The following BTBD18 variants were observed in gnomAD, a reference collection of about 807,000 sequenced individuals.
BTBD18 encodes BTB/POZ domain-containing protein 18.
For missense variants in BTBD18, 787 were observed against 846.3 expected, an observed-to-expected ratio of 0.93 and a Z score of 0.87; for synonymous variants, 311 against 324.4, an observed-to-expected ratio of 0.96 and a Z score of 0.44.
upstream of BTBD18, among the ~76,000 whole-genome samples, chr11:57,752,552 G>A (rs1335160657): frequency 1.3e-5 from 2 of 152,024 alleles, no homozygotes; most frequent in Non-Finnish European, 2.9e-5. Flanking sequence ...TCCCATCCCA[G>A]TGAGAGAGAT....
rs941121158 is a variant in BTBD18 at position 57,751,744 on chromosome 11, A to C, written c.-252T>G. ...CCTGAGCACCACATCCCAGCTCCAC[A>C]GGTATAATCTTCAAGTTAACACTTT... On this transcript the variant is annotated 5_prime_UTR_variant, in exon 1 of 3. Transcript: ENST00000422652. 6 of 152,252 alleles carry C rather than the reference A, an allele frequency of 3.9e-5. No individual in the cohort carries two copies. The highest frequency in any genetic ancestry group is 4.8e-5 in the African/African-American group (2 of 41,462). The allele number at this position is 152,252 out of a possible 1,614,324, so 9.4% of individuals were successfully genotyped here. A position where few individuals can be genotyped will look rare whatever the true frequency, so the allele number is the denominator to read the frequency against.
chr11:57,747,805 G>C (rs1590996640), intron 2 of BTBD18, among the ~76,000 whole-genome samples: 1 of 152,114 alleles, frequency 6.6e-6, no homozygotes, highest in South Asian at 2.1e-4. Flanking sequence ...GGCCAGGGTT[G>C]TTTTGTTTTT....
In BTBD18 at chr11:57,744,208, C is replaced by T. The variant is rs1445166107; in HGVS notation, c.2065G>A (p.Val689Ile). The change falls in exon 3 of 3, where the codon GTA becomes ATA. Residue 689 changes from valine (V) to isoleucine (I), a missense_variant. Physicochemically the swap from Val to Ile is conservative, Grantham distance 29. Transcript: ENST00000422652. Reference protein sequence around the residue: ...VVDWTAEGRLVPTTVPSVWPD... With the variant: ...VVDWTAEGRLIPTTVPSVWPD... ...CACACGGAGGGAACAGTAGTGGGTA[C>T]CAGCCTCCCCTCTGCTGTCCAGTCC... 3 of 1,551,620 alleles carry T rather than the reference C, an allele frequency of 1.9e-6. No individual in the cohort carries two copies. The highest frequency in any genetic ancestry group is 2.6e-6 in the Non-Finnish European group (3 of 1,146,970).
At chr11:57,752,869 G>C (rs1191180213), upstream of BTBD18, among the ~76,000 whole-genome samples, 2 of 152,240 alleles carry the variant, frequency 1.3e-5, no homozygotes, top group African/African-American at 4.8e-5. Flanking sequence ...AAGCGGGGTG[G>C]CCCGCACGCT....
chr11:57,746,824 A>AT (rs10665296), intron 2 of BTBD18, among the ~76,000 whole-genome samples: 4 of 150,726 alleles, frequency 2.7e-5, no homozygotes, highest in African/African-American at 9.7e-5. Flanking sequence ...AAAAAAAAAA[A>AT]GCCTTCCTCC....
rs1166214610 is a variant in BTBD18, at chr11:57,744,340, C to T, written c.1933G>A (p.Asp645Asn). The change falls in exon 3 of 3, where the codon GAT (aspartate) becomes AAT (asparagine). Residue 645 changes from aspartate to asparagine, a missense_variant. Coordinates refer to ENST00000422652, the MANE Select transcript of BTBD18 (RefSeq NM_001145101.3). Reference sequence around the variant, plus strand: ...TTGGGAGAAGGGTATAATAACTCATCTGTAGTCAAGGAGACTTCCAGCCCA... The same window carrying T: ...TTGGGAGAAGGGTATAATAACTCATTTGTAGTCAAGGAGACTTCCAGCCCA... ...ETGLEVSLTT[D>N]ELLYPSPKAG... 6.4e-7 allele frequency: 1 copy of T among 1,551,538 alleles called. No individual in the cohort carries two copies. Among genetic ancestry groups the T allele is most frequent in the Non-Finnish European group, 8.7e-7 (1 of 1,146,958 alleles).
chr11:57,745,478 G>A lies in BTBD18; in HGVS notation c.795C>T (p.Leu265=), dbSNP rs1488227832. The part of the protein sequence containing the change: ...DKHLLPRKIR[L]SRSKPSPGIC... ...TACCAGGAGATGGCTTTGAGCGACT[G>A]AGCCTGATCTTTCTGGGCAACAGGT... Residue 265 remains leucine, a synonymous_variant, in exon 3 of 3, where the codon CTC becomes CTT. Transcript: ENST00000422652. 1 of 1,550,296 alleles carries A rather than the reference G, an allele frequency of 6.5e-7. No homozygotes were observed. The highest frequency in any genetic ancestry group is 1.4e-5 in the African/African-American group (1 of 73,176).
chr11:57,746,870 A>G (rs1949206459), intron 2 of BTBD18, among the ~76,000 whole-genome samples: 1 of 149,714 alleles, frequency 6.7e-6, no homozygotes, highest in Non-Finnish European at 1.5e-5. Flanking sequence ...GTTCCTGGGC[A>G]GAGGTACTCT....
rs1195351969 is a variant in BTBD18, at chr11:57,744,035, C to T, written c.*99G>A. ...ACAAAGAGCCAGGGTACACCTGCCT[C>T]TTGTGCTGAGGGCACGTGCCAGCTT... On this transcript the variant is annotated 3_prime_UTR_variant, in exon 3 of 3. Coordinates refer to ENST00000422652, the MANE Select transcript of BTBD18 (RefSeq NM_001145101.3). 11 of 891,058 alleles carry T rather than the reference C, an allele frequency of 1.2e-5. No individual in the cohort carries two copies. Among genetic ancestry groups the T allele is most frequent in the South Asian group, 3.5e-5 (2 of 57,064 alleles). 55.2% of individuals were successfully genotyped at this position (891,058 alleles called of 1,614,324 possible). A position where few individuals can be genotyped will look rare whatever the true frequency, so the allele number is the denominator to read the frequency against.
chr11:57,746,805 CAAAAAA>C (rs35274578), intron 2 of BTBD18, among the ~76,000 whole-genome samples: 1 of 95,524 alleles, frequency 1.0e-5, no homozygotes, highest in African/African-American at 4.5e-5. Context: ...ACCTTGTCTC[CAAAAAA>C]AAAAAAAAAA....
At chr11:57,748,027 C>T (rs1382102392) in intron 2 of BTBD18, among the ~76,000 whole-genome samples, 2 of 152,174 alleles carry the variant, frequency 1.3e-5, no homozygotes, top group Admixed American at 1.3e-4. Context: ...GTCTCAAACT[C>T]CTGGGCTAAA....
At position 57,744,483 on chromosome 11, in the gene BTBD18, A is replaced by G; in HGVS notation, c.1790T>C (p.Ile597Thr). The change falls in exon 3 of 3, where the codon ATT becomes ACT. Residue 597 changes from isoleucine to threonine, a missense_variant. Physicochemically the swap from Ile to Thr is moderately conservative, Grantham distance 89. Coordinates refer to ENST00000422652, the MANE Select transcript of BTBD18 (RefSeq NM_001145101.3). ...VGGRWTPDLE[I>T]TSSQPLDGQE... ...ACCATCCAGTGGCTGGGAGCTGGTA[A>G]TTTCAAGGTCTGGTGTCCAACGGCC... is the stretch of plus-strand genomic sequence containing the variant. 6.4e-7 allele frequency: 1 copy of G among 1,551,566 alleles called. No homozygotes were observed. The highest frequency in any genetic ancestry group is 8.7e-7 in the Non-Finnish European group (1 of 1,146,960).
chr11:57,745,985 T>C lies in BTBD18; in HGVS notation c.288A>G (p.Ser96=). ...LRKLVDFLYT[S]EMEVSQEEAQ... ...CTTCTTCTTGAGATACTTCCATTTC[T>C]GAGGTATACAAGAAGTCCACCAGCT... is the stretch of plus-strand genomic sequence containing the variant. The change falls in exon 3 of 3, where the codon TCA becomes TCG. Residue 96 remains serine, a synonymous_variant. Coordinates refer to ENST00000422652, the MANE Select transcript of BTBD18 (RefSeq NM_001145101.3). The C allele has an allele frequency of 6.4e-7, 1 of 1,551,688 alleles. No individual in the cohort carries two copies. Among genetic ancestry groups the C allele is most frequent in the Non-Finnish European group, 8.7e-7 (1 of 1,146,986 alleles).
At chr11:57,749,033 C>T (rs1043941364) in intron 2 of BTBD18, among the ~76,000 whole-genome samples, 3 of 152,178 alleles carry the variant, frequency 2.0e-5, no homozygotes, top group Non-Finnish European at 4.4e-5. Context: ...CCTGCTTCCT[C>T]CCACTTGTTT....
intron 2 of BTBD18, among the ~76,000 whole-genome samples, chr11:57,747,490 T>C (rs1159727655): frequency 1.3e-5 from 2 of 152,116 alleles, no homozygotes; most frequent in Non-Finnish European, 2.9e-5. Flanking sequence ...CACATCTAAT[T>C]AAGTATCAGG....
chr11:57,746,039 C>A lies in BTBD18; in HGVS notation c.234G>T (p.Leu78=). The change falls in exon 3 of 3, where the codon CTG becomes CTT. Residue 78 remains leucine (L), a synonymous_variant. Coordinates refer to ENST00000422652, the MANE Select transcript of BTBD18 (RefSeq NM_001145101.3). The part of the protein sequence containing the change: ...PAQGGKVVLE[L]GGLKISTLRK... ...TAAGTGTGCTGATCTTCAGGCCACC[C>A]AGCTCTAGCACCACCTTCCCACCCT... The A allele has an allele frequency of 6.4e-7, 1 of 1,551,654 alleles. No individual in the cohort carries two copies. The highest frequency in any genetic ancestry group is 8.7e-7 in the Non-Finnish European group (1 of 1,146,972).
intron 2 of BTBD18, 62 bp downstream of exon 2, chr11:57,751,003 T>C (rs2135703498): frequency 1.4e-6 from 2 of 1,415,602 alleles, no homozygotes; most frequent in Non-Finnish European, 1.9e-6. Flanking sequence ...ACCCTCTGGC[T>C]CTGAACTCAT....
intron 2 of BTBD18, among the ~76,000 whole-genome samples, chr11:57,750,855 GATTC>G (rs1268495214): frequency 6.6e-6 from 1 of 152,132 alleles, no homozygotes; most frequent in East Asian, 1.9e-4. Flanking sequence ...TTTACAATTA[GATTC>G]ATTATTTAAG....
chr11:57,744,118 T>G lies in BTBD18; in HGVS notation c.*16A>C, dbSNP rs960333170. On this transcript the variant is annotated 3_prime_UTR_variant, in exon 3 of 3. Coordinates refer to ENST00000422652, the MANE Select transcript of BTBD18 (RefSeq NM_001145101.3). ...TCCCACCCTCCCAAGGCCCCTAACC[T>G]GCCCTCCCCTCTCCACTATGTTAGT... 2.6e-6 allele frequency: 2 copies of G among 758,504 alleles called. No homozygotes were observed. The highest frequency in any genetic ancestry group is 2.4e-5 in the Admixed American group (1 of 41,830). The allele number at this position is 758,504 out of a possible 1,614,324, so 47.0% of individuals were successfully genotyped here.
Sources: allele counts gnomAD v4.1 joint callset (sites outside exome capture counted in the v4.1 genomes callset), GRCh38; gene constraint gnomAD v4.1.1; transcripts MANE v1.5; gene names NCBI Gene and HGNC (gene_info 2026-07-23, HGNC 2026-07-21).